Variants in NREP observed in about 807,000 individuals in gnomAD.
NREP encodes neuronal regeneration-related protein.
Under a neutral mutation model 8.6 loss-of-function variants are expected in NREP, and 5 were observed. The observed-to-expected ratio is 0.58, with a 90% CI of 0.30 to 1.22. The LOEUF is 1.22. Among genes scored for constraint, NREP ranks in the 50% most tolerant of loss-of-function variants. The probability of loss-of-function intolerance (pLI) is 0.07; values close to 1 mark genes in which losing one functional copy is unlikely to be tolerated. For missense variants in NREP, 86 were observed against 82.5 expected (o/e 1.04, Z -0.17); for synonymous variants, 27 against 28.0 (o/e 0.96, Z 0.11).
At chr5:111,736,081 G>A (rs563453178) in intron 2 of NREP, among the ~76,000 whole-genome samples, 7 of 152,114 alleles carry the variant, frequency 4.6e-5, no homozygotes, top group Non-Finnish European at 1.0e-4. Context: ...ACTAGCTGAT[G>A]AATTCGGTGG....
chr5:111,950,738 G>T (rs1756133895), intron 2 of NREP, among the ~76,000 whole-genome samples: 1 of 149,996 alleles, frequency 6.7e-6, no homozygotes, highest in Non-Finnish European at 1.5e-5. Flanking sequence ...CAAAAAGTGG[G>T]CAAAGGATAT....
At chr5:111,791,062 A>G (rs1581120433) in intron 2 of NREP, among the ~76,000 whole-genome samples, 3 of 152,272 alleles carry the variant, frequency 2.0e-5, no homozygotes, top group East Asian at 1.9e-4. Context: ...AGAAGATTAA[A>G]CTGTTTATAG....
chr5:111,755,637 G>T, intron 2 of NREP, 133 bp downstream of exon 2: 1 of 989,026 alleles, frequency 1.0e-6, no homozygotes, highest in Non-Finnish European at 1.6e-6. Context: ...AGGAACTGGA[G>T]ATAGAACCTT....
At chr5:111,777,903 A>C (rs1203323850) in intron 2 of NREP, among the ~76,000 whole-genome samples, 1 of 152,138 alleles carries the variant, frequency 6.6e-6, no homozygotes, top group Non-Finnish European at 1.5e-5. Context: ...GTGATGGCTC[A>C]CATGAAATAG....
At chr5:111,797,467 TA>T (rs2112899797) in intron 2 of NREP, among the ~76,000 whole-genome samples, 1 of 152,342 alleles carries the variant, frequency 6.6e-6, no homozygotes, top group African/African-American at 2.4e-5. Flanking sequence ...ACCTTACAAG[TA>T]TCATGTTCTG....
At chr5:111,851,317 A>C (rs1484002392) in intron 2 of NREP, among the ~76,000 whole-genome samples, 1 of 152,212 alleles carries the variant, frequency 6.6e-6, no homozygotes, top group African/African-American at 2.4e-5. Context: ...GACGTAGTCA[A>C]GCTCCATGAA....
At chr5:111,755,865 C>CCTCA in intron 1 of NREP, 35 bp from the exon 2 acceptor site, 1 of 1,610,156 alleles carries the variant, frequency 6.2e-7, no homozygotes, top group Non-Finnish European at 8.5e-7. Flanking sequence ...AGACACATCG[C>CCTCA]CTCACCACAG....
intron 2 of NREP, among the ~76,000 whole-genome samples, chr5:111,844,813 C>T (rs1186757670): frequency 2.0e-5 from 3 of 150,680 alleles, no homozygotes; most frequent in Non-Finnish European, 1.5e-5. Context: ...CCAATAATTC[C>T]TAACAAGGGC....
At chr5:111,850,565 T>C (rs1207978504) in intron 2 of NREP, among the ~76,000 whole-genome samples, 1 of 152,116 alleles carries the variant, frequency 6.6e-6, no homozygotes, top group Non-Finnish European at 1.5e-5. Flanking sequence ...CAAAATCTTA[T>C]GGTTAACCTT....
chr5:111,806,869 C>T (rs1426737693), intron 2 of NREP, among the ~76,000 whole-genome samples: 1 of 152,002 alleles, frequency 6.6e-6, no homozygotes, highest in Admixed American at 6.5e-5. Context: ...ACTTTACTAA[C>T]AGGTTCCTGG....
At chr5:111,883,333 G>A (rs1473398745) in intron 2 of NREP, among the ~76,000 whole-genome samples, 1 of 152,106 alleles carries the variant, frequency 6.6e-6, no homozygotes, top group Non-Finnish European at 1.5e-5. Flanking sequence ...CAAGTCCTGA[G>A]TGACCTACAA....
At chr5:111,741,175 CAATT>C (rs1476743529) in intron 2 of NREP, among the ~76,000 whole-genome samples, 2 of 152,202 alleles carry the variant, frequency 1.3e-5, no homozygotes, top group East Asian at 3.9e-4. Flanking sequence ...CTGTCTCCTG[CAATT>C]AGGAAAGCCG....
At chr5:111,976,697 ATTC>A (rs1315497553) in intron 1 of NREP, 4 of 1,548,752 alleles carry the variant, frequency 2.6e-6, no homozygotes, top group Non-Finnish European at 2.6e-6. Context: ...ACAGTAAGTT[ATTC>A]TTCACATACC....
chr5:111,779,062 A>C (rs1437011658), intron 2 of NREP, among the ~76,000 whole-genome samples: 2 of 152,194 alleles, frequency 1.3e-5, no homozygotes, highest in Admixed American at 1.3e-4. Flanking sequence ...CCCAAAAAAG[A>C]GTACATAAAC....
At chr5:111,832,398 G>A (rs1033322782) in intron 2 of NREP, among the ~76,000 whole-genome samples, 1 of 152,056 alleles carries the variant, frequency 6.6e-6, no homozygotes, top group Non-Finnish European at 1.5e-5. Context: ...GCTGGGGGTG[G>A]CATGAGCCTG....
chr5:111,969,606 G>A (rs1756745077), intron 2 of NREP: 1 of 152,192 alleles, frequency 6.6e-6, no homozygotes, highest in Admixed American at 6.5e-5. Flanking sequence ...GTGTCATGTT[G>A]AAGCAGCCCT....
intron 2 of NREP, among the ~76,000 whole-genome samples, chr5:111,863,175 T>C (rs191808998): frequency 3.3e-5 from 5 of 151,934 alleles, no homozygotes; most frequent in African/African-American, 1.2e-4. Flanking sequence ...ATAATGGTAG[T>C]AGAGAGAGAG....
At chr5:111,885,258 C>A (rs890790205) in intron 2 of NREP, among the ~76,000 whole-genome samples, 20 of 151,422 alleles carry the variant, frequency 1.3e-4, no homozygotes, top group South Asian at 2.1e-4. Context: ...CCTAGGAATC[C>A]AACTTACAAG....
At position 111,730,258 on chromosome 5, in the gene NREP, C is replaced by T. The variant is rs969219768; in HGVS notation, c.*663G>A. 6.6e-6 allele frequency: 1 copy of T among 152,586 alleles called. No homozygotes were observed. Among genetic ancestry groups the T allele is most frequent in the Non-Finnish European group, 1.5e-5 (1 of 68,006 alleles). The allele number at this position is 152,586 out of a possible 1,614,324, so 9.5% of individuals were successfully genotyped here. A position where few individuals can be genotyped will look rare whatever the true frequency, so the allele number is the denominator to read the frequency against. On this transcript the variant is annotated 3_prime_UTR_variant, in exon 4 of 4. Transcript: ENST00000257435. ...AAACAAGTCAATCCAGTCTAGAGAA[C>T]AACATTCAGGGAAACAGAGTACCAA...
Sources: allele counts gnomAD v4.1 joint callset (sites outside exome capture counted in the v4.1 genomes callset), GRCh38; gene constraint gnomAD v4.1.1; transcripts MANE v1.5; gene names NCBI Gene and HGNC (gene_info 2026-07-23, HGNC 2026-07-21).